CAPN14: variants seen among roughly 807,000 people sequenced by gnomAD.
CAPN14 encodes the protein calpain 14.
Under a neutral mutation model 101.3 loss-of-function variants are expected in CAPN14, and 94 were observed. The ratio of observed to expected loss-of-function variants is 0.93; its 90% CI spans 0.79 to 1.10. CAPN14 has a LOEUF of 1.10. Ranked by LOEUF, CAPN14 falls within the 50% of genes least tolerant of loss-of-function variation. CAPN14 has a pLI of 0.00. For missense variants in CAPN14, 837 were observed against 828.4 expected, an observed-to-expected ratio of 1.01 and a Z score of -0.13; for synonymous variants, 338 against 317.9, an observed-to-expected ratio of 1.06 and a Z score of -0.67.
At chr2:31,179,203 T>TA (rs1680469282) in intron 17 of CAPN14, among the ~76,000 whole-genome samples, 1 of 151,610 alleles carries the variant, frequency 6.6e-6, no homozygotes, top group African/African-American at 2.4e-5. Flanking sequence ...GTATTTCTCC[T>TA]AATGTTATCT....
At position 31,232,684 on chromosome 2, in the gene CAPN14, C is replaced by G. The variant is rs374672881; in HGVS notation, c.-177+1107G>C. Among the ~76,000 whole-genome samples, 121 of 152,312 alleles carry G rather than the reference C, an allele frequency of 7.9e-4. 1 individual carries two copies. The South Asian group carries it at 0.024, about 30-fold the overall frequency. ...AACTCACTCACTATCATGAGAACAG[C>G]ATGAATGAAACTGTCCCTATGATCC... On this transcript the variant is annotated intron_variant and NMD_transcript_variant, in intron 1 of 21. Coordinates refer to the CAPN14 transcript ENST00000398824.
chr2:31,177,577 A>T (rs1374153852), intron 19 of CAPN14, among the ~76,000 whole-genome samples, 169 bp downstream of exon 19: 1 of 152,240 alleles, frequency 6.6e-6, no homozygotes, highest in Non-Finnish European at 1.5e-5. Flanking sequence ...GTTGGCTAGG[A>T]TCACAGGGAC....
chr2:31,189,305 G>A lies in CAPN14; in HGVS notation c.1461C>T (p.Val487=). 6.4e-7 allele frequency: 1 copy of A among 1,551,584 alleles called. No individual in the cohort carries two copies. Among genetic ancestry groups the A allele is most frequent in the Non-Finnish European group, 8.7e-7 (1 of 1,147,008 alleles). Residue 487 remains valine (V), a synonymous_variant, in exon 13 of 22, where the codon GTC becomes GTT. Coordinates refer to ENST00000403897, the MANE Select transcript of CAPN14 (RefSeq NM_001145122.2). The part of the protein sequence containing the change: ...ILEAHQKSEF[V]LRVFSRKHIF... The stretch of plus-strand genomic sequence containing the variant: ...TGTGCTTCCTGGAGAAGACCCTGAG[G>A]ACGAACTCTGACTTCTGGTGGGCCT...
chr2:31,202,099 C>T, intron 4 of CAPN14, 35 bp downstream of exon 4: 2 of 1,550,288 alleles, frequency 1.3e-6, no homozygotes, highest in Non-Finnish European at 1.7e-6. Flanking sequence ...TTTCCTATGA[C>T]TCCCTCTGGG....
intron 1 of CAPN14, among the ~76,000 whole-genome samples, chr2:31,227,322 A>G (rs1683053450): frequency 6.6e-6 from 1 of 152,194 alleles, no homozygotes; most frequent in Non-Finnish European, 1.5e-5. Flanking sequence ...CATTCCAGCA[A>G]TTAAGTAGCT....
rs547267211 is a variant in CAPN14, at chr2:31,230,771, A to G, written c.-177+3020T>C. ...TTTCATGGGTTTTTGTGTATAGGAA[A>G]TATCTTTTCACTCACTTTTGTATTT... On this transcript the variant is annotated intron_variant and NMD_transcript_variant, in intron 1 of 21. Transcript: ENST00000398824. The surrounding 1 kb of genome is among the most constrained non-coding windows in gnomAD (Gnocchi z 4.3). Among the ~76,000 whole-genome samples the G allele has an allele frequency of 5.9e-5, 9 of 152,302 alleles. No homozygotes were observed. The East Asian group carries it at 9.6e-4, about 16-fold the overall frequency.
In CAPN14 at chr2:31,200,603, A is replaced by G. The variant is rs2148689200; in HGVS notation, c.574T>C (p.Leu192=). ...GCTTCAGACACCTGTCCTGACTGCA[A>G]GTCTTCATAGGAACCAGAGAGCCTG... ...YAKLSGSYED[L]QSGQVSEALV... The change falls in exon 6 of 22, where the codon TTG becomes CTG. Residue 192 remains leucine, a synonymous_variant. Transcript: ENST00000403897. The G allele has an allele frequency of 1.3e-6, 2 of 1,550,746 alleles. No homozygotes were observed. The highest frequency in any genetic ancestry group is 4.9e-5 in the East Asian group (2 of 40,874).
intron 1 of CAPN14, among the ~76,000 whole-genome samples, chr2:31,233,502 C>G (rs1225358403): frequency 6.6e-6 from 1 of 152,186 alleles, no homozygotes; most frequent in East Asian, 1.9e-4. Context: ...TTAAAGCCTG[C>G]CTTCACTGGA....
upstream of CAPN14, among the ~76,000 whole-genome samples, chr2:31,219,235 C>T (rs1682787371): frequency 6.6e-6 from 1 of 152,066 alleles, no homozygotes; most frequent in South Asian, 2.1e-4. Context: ...AGGGCCATTT[C>T]CTCCCGTGAC....
At chr2:31,207,437 A>T (rs1422118139) in intron 1 of CAPN14, among the ~76,000 whole-genome samples, 1 of 152,248 alleles carries the variant, frequency 6.6e-6, no homozygotes, top group East Asian at 1.9e-4. Flanking sequence ...ATACAAACAT[A>T]ACATTTTAAA....
At position 31,177,643 on chromosome 2, in the gene CAPN14, C is replaced by T. The variant is rs1680370852; in HGVS notation, c.1855+103G>A. The T allele has an allele frequency of 2.6e-5, 21 of 802,672 alleles. No homozygotes were observed. In the East Asian group the frequency reaches 4.8e-4, roughly 19 times the overall value. The allele number at this position is 802,672 out of a possible 1,614,324, so 49.7% of individuals were successfully genotyped here. The stretch of plus-strand genomic sequence containing the variant: ...ATCTACGTCTTTGAGAGTAACACTG[C>T]GTATTAGAGTTACTTCAGCATGCCA... On this transcript the variant is annotated intron_variant, in intron 19 of 21. Transcript: ENST00000403897.
At chr2:31,204,806 G>A (rs1210918864) in intron 2 of CAPN14, among the ~76,000 whole-genome samples, 1 of 152,124 alleles carries the variant, frequency 6.6e-6, no homozygotes, top group African/African-American at 2.4e-5. Flanking sequence ...GCATTTCCCT[G>A]AGTCCTGTGA....
upstream of CAPN14, among the ~76,000 whole-genome samples, chr2:31,219,360 C>T (rs1438451862): frequency 2.6e-5 from 4 of 152,200 alleles, no homozygotes; most frequent in African/African-American, 7.2e-5. Flanking sequence ...CCCAGGCTTC[C>T]GACTGTCACC....
At chr2:31,223,816 C>T (rs967904522) in intron 2 of CAPN14, among the ~76,000 whole-genome samples, 1 of 152,156 alleles carries the variant, frequency 6.6e-6, no homozygotes, top group Non-Finnish European at 1.5e-5. Context: ...GCATGAGCCA[C>T]CAAGCCTGGC....
At chr2:31,202,643 C>G (rs1681855685) in intron 3 of CAPN14, among the ~76,000 whole-genome samples, 1 of 152,148 alleles carries the variant, frequency 6.6e-6, no homozygotes. Context: ...ATGGGTATCA[C>G]TGGACTTGGC....
chr2:31,180,378 G>A (rs561265466), intron 17 of CAPN14, among the ~76,000 whole-genome samples: 44 of 152,214 alleles, frequency 2.9e-4, no homozygotes, highest in African/African-American at 9.9e-4. Context: ...CAATAGTATG[G>A]ATGATCAAAC....
At chr2:31,200,377 G>A in intron 6 of CAPN14, 74 bp downstream of exon 6, 1 of 1,332,048 alleles carries the variant, frequency 7.5e-7, no homozygotes, top group East Asian at 2.5e-5. Flanking sequence ...ACACCCAGGT[G>A]AGGGTAGTGG....
chr2:31,232,402 G>C lies in CAPN14; in HGVS notation c.-177+1389C>G, dbSNP rs1197894907. Among the ~76,000 whole-genome samples, 3 of 152,182 alleles carry C rather than the reference G, an allele frequency of 2.0e-5. No homozygotes were observed. In the East Asian group the frequency reaches 5.8e-4, roughly 29 times the overall value. On this transcript the variant is annotated intron_variant and NMD_transcript_variant, in intron 1 of 21. Coordinates refer to the CAPN14 transcript ENST00000398824. ...CCATTGCAGCTGTCTCCTAAGTTTT[G>C]GAATAGTTTCCTAAATGGTCTCTTG...
intron 3 of CAPN14, 54 bp from the exon 4 acceptor site, chr2:31,202,306 G>A (rs767179335): frequency 1.1e-4 from 153 of 1,392,442 alleles, no homozygotes; most frequent in Non-Finnish European, 1.5e-4. Context: ...CTTTATGACT[G>A]CAGAAAATGC....
Sources: allele counts gnomAD v4.1 joint callset (sites outside exome capture counted in the v4.1 genomes callset), GRCh38; gene constraint gnomAD v4.1.1; non-coding constraint Gnocchi (gnomAD v3.1); transcripts MANE v1.5; gene names NCBI Gene and HGNC (gene_info 2026-07-23, HGNC 2026-07-21).